The following TRAPPC9 variants were observed in gnomAD, a reference collection of about 807,000 sequenced individuals.
TRAPPC9 encodes the protein trafficking protein particle complex subunit 9.
In TRAPPC9, 83 loss-of-function variants were observed where a neutral mutation model predicts 124.0. The ratio of observed to expected loss-of-function variants is 0.67; its 90% CI spans 0.56 to 0.80. The LOEUF is 0.80. Among genes scored for constraint, TRAPPC9 ranks in the 30% least tolerant of loss-of-function variants. TRAPPC9 has a pLI of 0.00. For synonymous variants in TRAPPC9, 638 were observed against 617.5 expected (o/e 1.03, Z -0.49); for missense variants, 1,302 against 1,508.3 (o/e 0.86, Z 2.27).
chr8:140,275,521 C>G, intron 15 of TRAPPC9, 137 bp downstream of exon 15: 1 of 962,368 alleles, frequency 1.0e-6, no homozygotes, highest in African/African-American at 1.6e-5. Context: ...CCTGTAAGCC[C>G]TCGCCTGACT....
At chr8:139,947,924 C>CGAGAGAGAGAGAGAGAGAGAGA in intron 19 of TRAPPC9, among the ~76,000 whole-genome samples, 1 of 83,488 alleles carries the variant, frequency 1.2e-5, no homozygotes, top group African/African-American at 5.1e-5. Context: ...AGAGAGAGAG[C>CGAGAGAGAGAGAGAGAGAGAGA]GAGAGAGAGA....
chr8:140,233,623 C>CACACACA (rs1554648047), intron 16 of TRAPPC9, among the ~76,000 whole-genome samples: 55 of 90,860 alleles, frequency 6.1e-4, no homozygotes, highest in African/African-American at 2.0e-3. Context: ...TCTCTCCCCA[C>CACACACA]CACACACACA....
At chr8:140,057,649 G>A (rs1842366380) in intron 17 of TRAPPC9, among the ~76,000 whole-genome samples, 1 of 152,160 alleles carries the variant, frequency 6.6e-6, no homozygotes, top group Admixed American at 6.5e-5. Flanking sequence ...ATAGATGCAG[G>A]AAGTCACATG....
At chr8:140,445,628 TC>T (rs1054233834) in intron 2 of TRAPPC9, among the ~76,000 whole-genome samples, 3 of 152,200 alleles carry the variant, frequency 2.0e-5, no homozygotes, top group Non-Finnish European at 4.4e-5. Context: ...CACCACTGGA[TC>T]CCTGCCCTGC....
chr8:139,749,826 G>A (rs922876357), intron 21 of TRAPPC9, among the ~76,000 whole-genome samples: 3 of 152,202 alleles, frequency 2.0e-5, no homozygotes, highest in African/African-American at 7.2e-5. Flanking sequence ...GGAGGGGCAG[G>A]GCTGCCCAGT....
At chr8:140,383,982 A>T (rs1242110184) in intron 7 of TRAPPC9, among the ~76,000 whole-genome samples, 1 of 152,270 alleles carries the variant, frequency 6.6e-6, no homozygotes, top group African/African-American at 2.4e-5. Flanking sequence ...AAACTCTACA[A>T]GCCAGAAGAG....
chr8:140,138,584 G>T (rs995873485), intron 17 of TRAPPC9, among the ~76,000 whole-genome samples: 1 of 152,094 alleles, frequency 6.6e-6, no homozygotes, highest in African/African-American at 2.4e-5. Flanking sequence ...TTCAGTTCTG[G>T]CCTGACTGAT....
intron 19 of TRAPPC9, among the ~76,000 whole-genome samples, chr8:139,936,096 G>C (rs1026445511): frequency 2.0e-5 from 3 of 152,228 alleles, no homozygotes; most frequent in Non-Finnish European, 2.9e-5. Context: ...CTCCACGCCT[G>C]TTGGCCTCTG....
rs2063183776 is a variant in TRAPPC9 at position 140,216,011 on chromosome 8, T to C, written c.2556+5448A>G. Reference sequence around the variant, plus strand: ...GGCATCAAAGGCCTCGAGTGCAGGATACAGAGGCGTTGGGACTCTGTCCAC... The same window carrying C: ...GGCATCAAAGGCCTCGAGTGCAGGACACAGAGGCGTTGGGACTCTGTCCAC... On this transcript the variant is annotated intron_variant, in intron 17 of 22. Coordinates refer to ENST00000438773, the MANE Select transcript of TRAPPC9 (RefSeq NM_001160372.4). This position sits in a 1 kb window ranked among gnomAD's most constrained non-coding sequence, Gnocchi z 4.1. The C allele has an allele frequency of 6.6e-6, 1 of 152,200 alleles. No individual in the cohort carries two copies. The highest frequency in any genetic ancestry group is 2.4e-5 in the African/African-American group (1 of 41,440). The allele number at this position is 152,200 out of a possible 1,614,324, so 9.4% of individuals were successfully genotyped here.
chr8:139,852,735 A>G (rs184533848), intron 21 of TRAPPC9, among the ~76,000 whole-genome samples: 2 of 152,314 alleles, frequency 1.3e-5, no homozygotes, highest in Admixed American at 1.3e-4. Flanking sequence ...TCTCTGTTCT[A>G]TGAGGTTACA....
intron 19 of TRAPPC9, among the ~76,000 whole-genome samples, chr8:139,976,306 T>G (rs1265532081): frequency 6.6e-6 from 1 of 152,150 alleles, no homozygotes; most frequent in Non-Finnish European, 1.5e-5. Context: ...TGGACATAAA[T>G]GTAAGATTTA....
chr8:139,889,724 A>G (rs1264436789), intron 20 of TRAPPC9, among the ~76,000 whole-genome samples: 1 of 152,244 alleles, frequency 6.6e-6, no homozygotes, highest in Non-Finnish European at 1.5e-5. Context: ...AGCCATAATC[A>G]GGAACAGAGA....
At chr8:139,736,619 C>T (rs1818183044) in intron 21 of TRAPPC9, among the ~76,000 whole-genome samples, 1 of 152,148 alleles carries the variant, frequency 6.6e-6, no homozygotes. Context: ...GTCCTGGTCT[C>T]CCCTGGGACC....
chr8:140,229,246 T>TTTTTC lies in TRAPPC9; in HGVS notation c.2432-7668_2432-7664dup, dbSNP rs1169685474. On this transcript the variant is annotated intron_variant, in intron 16 of 22. Transcript: ENST00000438773. ...GCTTTAGTCAATTCCGTATGTTTTCTTTTTCTTTTTTTTTTTTTTTTTTTT... is the reference window on the plus strand; with the variant it reads ...GCTTTAGTCAATTCCGTATGTTTTCTTTTTCTTTTCTTTTTTTTTTTTTTTTTTTT... Among the ~76,000 whole-genome samples the TTTTTC allele has an allele frequency of 9.4e-4, 67 of 71,178 alleles. 27 individuals are homozygous for TTTTTC. The highest frequency in any genetic ancestry group is 1.1e-3 in the Non-Finnish European group (32 of 29,212). 46.7% of individuals were successfully genotyped at this position (71,178 alleles called of 152,430 possible).
chr8:140,039,641 A>T (rs1035514123), intron 17 of TRAPPC9: 11 of 152,332 alleles, frequency 7.2e-5, no homozygotes, highest in African/African-American at 2.6e-4. Context: ...GTGTTTTGAT[A>T]AAAAACTTGA....
chr8:140,235,029 G>A (rs1423704456), intron 16 of TRAPPC9, among the ~76,000 whole-genome samples: 1 of 152,096 alleles, frequency 6.6e-6, no homozygotes, highest in Non-Finnish European at 1.5e-5. Context: ...GGAGTGCAAT[G>A]GCACAATCTT....
chr8:140,247,512 T>A (rs903665586), intron 16 of TRAPPC9, among the ~76,000 whole-genome samples: 16 of 134,188 alleles, frequency 1.2e-4, no homozygotes, highest in African/African-American at 4.7e-4. Context: ...TCATTCTAAG[T>A]CAAGATTCTC....
intron 21 of TRAPPC9, among the ~76,000 whole-genome samples, chr8:139,881,554 C>A (rs1381960323): frequency 6.6e-6 from 1 of 152,190 alleles, no homozygotes; most frequent in Non-Finnish European, 1.5e-5. Flanking sequence ...CACTCACCCA[C>A]ATCTGATGAC....
At chr8:140,327,267 C>T (rs147676300) in intron 9 of TRAPPC9, among the ~76,000 whole-genome samples, 6 of 152,108 alleles carry the variant, frequency 3.9e-5, no homozygotes, top group Admixed American at 2.0e-4. Context: ...AGACAAGACA[C>T]GACAAGACAA....
Sources: allele counts gnomAD v4.1 joint callset (sites outside exome capture counted in the v4.1 genomes callset), GRCh38; gene constraint gnomAD v4.1.1; non-coding constraint Gnocchi (gnomAD v3.1); transcripts MANE v1.5; gene names NCBI Gene and HGNC (gene_info 2026-07-23, HGNC 2026-07-21).